The following CLEC16A variants were observed in gnomAD, a reference collection of about 807,000 sequenced individuals.
CLEC16A encodes C-type lectin domain containing 16A.
In CLEC16A, 51 loss-of-function variants were observed where a neutral mutation model predicts 109.5. That is an observed-to-expected ratio of 0.47 (90% CI 0.37 to 0.59). The LOEUF is 0.59. Ranked by LOEUF, CLEC16A falls within the 20% of genes least tolerant of loss-of-function variation. The pLI is 0.00. For synonymous variants in CLEC16A, 673 were observed against 564.2 expected (o/e 1.19, Z -2.73); for missense variants, 1,339 against 1,394.0 (o/e 0.96, Z 0.63).
chr16:11,077,328 C>T (rs1049192430), intron 19 of CLEC16A, among the ~76,000 whole-genome samples: 2 of 152,018 alleles, frequency 1.3e-5, no homozygotes, highest in South Asian at 2.1e-4. Context: ...AAAAATTAGC[C>T]GGATGTGGTG....
At chr16:11,018,617 C>T (rs569266349) in intron 11 of CLEC16A, among the ~76,000 whole-genome samples, 69 of 151,996 alleles carry the variant, frequency 4.5e-4, no homozygotes, top group Middle Eastern at 3.4e-3. Flanking sequence ...GGTGTGGTGG[C>T]GGGTGCCTGT....
At chr16:11,060,430 C>T (rs557840186) in intron 18 of CLEC16A, among the ~76,000 whole-genome samples, 2 of 152,226 alleles carry the variant, frequency 1.3e-5, no homozygotes, top group South Asian at 4.1e-4. Context: ...TAGGTAGTAC[C>T]TTGAAATGCT....
At chr16:11,164,568 A>G (rs75847603) in intron 22 of CLEC16A, among the ~76,000 whole-genome samples, 4,606 of 152,318 alleles carry the variant, frequency 0.03, 242 homozygotes, top group African/African-American at 0.11. Context: ...CCCTGGTGCC[A>G]TAACCTGGGT....
In CLEC16A at chr16:11,003,085, C is replaced by T. The variant is rs1361747703; in HGVS notation, c.1083C>T (p.Ser361=). 1.9e-6 allele frequency: 3 copies of T among 1,611,212 alleles called. No individual in the cohort carries two copies. The highest frequency in any genetic ancestry group is 1.7e-5 in the Admixed American group (1 of 59,452). The stretch of plus-strand genomic sequence containing the variant: ...TTGGACTTTCCTAGGCCAAGCCCAG[C>T]ATTCGGTGCTTCATTAAACCCACCG... The part of the protein sequence containing the change: ...QDIQRSSAKP[S]IRCFIKPTET... The change falls in exon 11 of 24, where the codon AGC becomes AGT. Residue 361 remains serine (S), a synonymous_variant. Coordinates refer to ENST00000409790, the MANE Select transcript of CLEC16A (RefSeq NM_015226.3).
intron 19 of CLEC16A, among the ~76,000 whole-genome samples, chr16:11,088,453 C>G (rs1364379303): frequency 1.3e-5 from 2 of 152,196 alleles, no homozygotes; most frequent in Non-Finnish European, 2.9e-5. Context: ...GGGTGAAAGC[C>G]TCGTTGGGGA....
chr16:11,153,169 C>T (rs777897130), intron 22 of CLEC16A, among the ~76,000 whole-genome samples: 3 of 152,030 alleles, frequency 2.0e-5, no homozygotes, highest in South Asian at 2.1e-4. Context: ...CAGTTACTGC[C>T]CTCCGCCTGC....
intron 2 of CLEC16A, among the ~76,000 whole-genome samples, chr16:10,960,730 T>A (rs1007302799): frequency 6.6e-6 from 1 of 152,194 alleles, no homozygotes; most frequent in Non-Finnish European, 1.5e-5. Flanking sequence ...GCATGGAAGA[T>A]TCATCTCTTC....
chr16:10,958,442 G>A (rs903346672), intron 2 of CLEC16A, among the ~76,000 whole-genome samples: 11 of 152,064 alleles, frequency 7.2e-5, no homozygotes, highest in South Asian at 2.1e-4. Flanking sequence ...GAGGGGTCCC[G>A]CAACTCACCA....
At chr16:10,962,721 G>A in intron 3 of CLEC16A, 133 bp downstream of exon 3, 1 of 973,852 alleles carries the variant, frequency 1.0e-6, no homozygotes, top group Non-Finnish European at 1.5e-6. Flanking sequence ...AGACTGAGTG[G>A]GTTAAACAAT....
intron 19 of CLEC16A, among the ~76,000 whole-genome samples, chr16:11,096,462 G>C (rs1028922343): frequency 2.0e-5 from 3 of 152,182 alleles, no homozygotes; most frequent in African/African-American, 4.8e-5. Flanking sequence ...GAAGCACACA[G>C]AGACCCACGG....
chr16:11,051,677 C>T (rs763219144), intron 18 of CLEC16A, 36 bp downstream of exon 18: 2 of 1,607,918 alleles, frequency 1.2e-6, no homozygotes, highest in Non-Finnish European at 1.7e-6. Context: ...TCCTGGGCCA[C>T]TGTTCTCCAG....
At chr16:11,004,323 G>A (rs2152756144) in intron 11 of CLEC16A, among the ~76,000 whole-genome samples, 2 of 152,330 alleles carry the variant, frequency 1.3e-5, no homozygotes, top group South Asian at 4.1e-4. Flanking sequence ...CACTGGGGCT[G>A]GGGGCAGCGG....
chr16:11,060,751 C>T (rs2048436797), intron 18 of CLEC16A, 151 bp from the exon 19 acceptor site: 4 of 703,966 alleles, frequency 5.7e-6, no homozygotes, highest in South Asian at 5.7e-5. Context: ...TATAAAAGCA[C>T]GTACCAGAAT....
Position 11,166,385 on chromosome 16 carries a change from C to T in CLEC16A, c.2642-3C>T, listed in dbSNP as rs766396217. Reference sequence around the variant, plus strand: ...CTTGGTCACCTGGTACTTTGTCTTGCAGGCTTCGCCGTGGCCCAGTGCATA... The same window carrying T: ...CTTGGTCACCTGGTACTTTGTCTTGTAGGCTTCGCCGTGGCCCAGTGCATA... On this transcript the variant is annotated splice_polypyrimidine_tract_variant and splice_region_variant and intron_variant, in intron 22 of 23. Transcript: ENST00000409790. 1.1e-5 allele frequency: 18 copies of T among 1,594,594 alleles called. No homozygotes were observed. Among genetic ancestry groups the T allele is most frequent in the Non-Finnish European group, 1.5e-5 (18 of 1,174,156 alleles).
At chr16:11,034,026 T>C (rs1176465249) in intron 13 of CLEC16A, among the ~76,000 whole-genome samples, 1 of 152,234 alleles carries the variant, frequency 6.6e-6, no homozygotes, top group East Asian at 1.9e-4. Context: ...TTGTCATTGT[T>C]TACCCAGGAA....
chr16:11,043,796 C>T (rs1428562015), intron 15 of CLEC16A, among the ~76,000 whole-genome samples: 2 of 151,532 alleles, frequency 1.3e-5, no homozygotes, highest in South Asian at 2.1e-4. Context: ...ACCTGGGAGG[C>T]GGAGGTTGCA....
Position 11,074,195 on chromosome 16 carries a change from G to C in CLEC16A, c.2116+13173G>C, listed in dbSNP as rs550429689. On this transcript the variant is annotated intron_variant, in intron 19 of 23. Coordinates refer to ENST00000409790, the MANE Select transcript of CLEC16A (RefSeq NM_015226.3). ...TTTTTCCTTACCCCACTTTGAGGCA[G>C]GCACCCTGAACTTGACAGATTGGGA... Among the ~76,000 whole-genome samples the C allele has an allele frequency of 2.4e-3, 370 of 151,868 alleles. 1 individual carries two copies. The highest frequency in any genetic ancestry group is 8.6e-3 in the African/African-American group (358 of 41,396).
At chr16:11,007,708 A>G (rs2045115143) in intron 11 of CLEC16A, among the ~76,000 whole-genome samples, 1 of 152,216 alleles carries the variant, frequency 6.6e-6, no homozygotes, top group Non-Finnish European at 1.5e-5. Flanking sequence ...TTGGGCACCA[A>G]GCACGTTTCT....
chr16:11,105,884 TC>T (rs2051191296), intron 19 of CLEC16A, among the ~76,000 whole-genome samples: 1 of 152,208 alleles, frequency 6.6e-6, no homozygotes, highest in Non-Finnish European at 1.5e-5. Flanking sequence ...TACAGTGTCC[TC>T]AGTGGCCCTG....
Sources: gnomAD v4.1 joint callset for allele counts (sites outside exome capture counted in the v4.1 genomes callset) on GRCh38, gnomAD v4.1.1 for gene constraint, MANE v1.5 for transcripts, NCBI Gene and HGNC (gene_info 2026-07-23, HGNC 2026-07-21) for gene names.